WDR72: variants seen among roughly 807,000 people sequenced by gnomAD.
The protein encoded by WDR72 is WD repeat-containing protein 72.
WDR72 carries 120 observed loss-of-function variants against 124.2 expected under a neutral mutation model. The ratio of observed to expected loss-of-function variants is 0.97; its 90% CI spans 0.83 to 1.12. The LOEUF (loss-of-function observed/expected upper bound fraction) is 1.12, where lower values mean the gene tolerates loss of function less well. Among genes scored for constraint, WDR72 ranks in the 50% most tolerant of loss-of-function variants. The pLI, the probability that WDR72 is intolerant of heterozygous loss-of-function variation, is 0.00. For synonymous variants in WDR72, 452 were observed against 441.7 expected (o/e 1.02, Z -0.29); for missense variants, 1,387 against 1,278.8 (o/e 1.08, Z -1.29).
chr15:53,538,002 G>C (rs1388172266), intron 18 of WDR72, among the ~76,000 whole-genome samples: 1 of 152,020 alleles, frequency 6.6e-6, no homozygotes, highest in Non-Finnish European at 1.5e-5. Context: ...TTCTTATCAA[G>C]AGTGCTGAAT....
chr15:53,745,081 A>C (rs1267739396), intron 1 of WDR72, among the ~76,000 whole-genome samples: 3 of 151,918 alleles, frequency 2.0e-5, no homozygotes, highest in African/African-American at 7.2e-5. Context: ...GAGTCAGATA[A>C]AGTTTTGCCT....
intron 7 of WDR72, among the ~76,000 whole-genome samples, chr15:53,711,832 C>G (rs959759831): frequency 6.6e-6 from 1 of 152,142 alleles, no homozygotes; most frequent in African/African-American, 2.4e-5. Context: ...TCACGTAAAT[C>G]TTTTGCTAGA....
At chr15:53,746,048 T>C (rs1285033462) in intron 1 of WDR72, among the ~76,000 whole-genome samples, 3 of 152,200 alleles carry the variant, frequency 2.0e-5, no homozygotes, top group African/African-American at 7.2e-5. Flanking sequence ...AAACCTCTTA[T>C]TCATCCAGGC....
chr15:53,751,240 T>TA (rs34813862), intron 1 of WDR72, among the ~76,000 whole-genome samples: 20,742 of 143,050 alleles, frequency 0.14, 1,797 homozygotes, highest in Middle Eastern at 0.2. Flanking sequence ...GAGACTACTT[T>TA]AAAAAAAAAA....
chr15:53,616,093 T>C lies in WDR72; in HGVS notation c.2113A>G (p.Ser705Gly). 1 of 1,605,674 alleles carries C rather than the reference T, an allele frequency of 6.2e-7. No individual in the cohort carries two copies. The highest frequency in any genetic ancestry group is 8.5e-7 in the Non-Finnish European group (1 of 1,174,962). Residue 705 changes from serine to glycine, a missense_variant, in exon 15 of 20, where the codon AGT becomes GGT. Physicochemically the swap from Ser to Gly is moderately conservative, Grantham distance 56. Transcript: ENST00000360509. The stretch of plus-strand genomic sequence containing the variant: ...AGGACCTCACCACCATAGAATGAAC[T>C]GGAAGAGTCAACATCACTGAGTGGA... ...PTPLSDVDSS[S>G]SFYGGEVLRR...
intron 4 of WDR72, 96 bp downstream of exon 4, chr15:53,716,511 A>G (rs2017711901): frequency 1.1e-6 from 1 of 872,358 alleles, no homozygotes; most frequent in Non-Finnish European, 2.0e-6. Flanking sequence ...CAAGCAAAGA[A>G]TATTCTCCAA....
At chr15:53,610,250 CTGGTTCATAG>C (rs2013481147) in intron 16 of WDR72, among the ~76,000 whole-genome samples, 1 of 152,100 alleles carries the variant, frequency 6.6e-6, no homozygotes. Flanking sequence ...TCTATGTAAA[CTGGTTCATAG>C]AGTGTCCAGC....
intron 14 of WDR72, chr15:53,652,108 G>C (rs1456831892): frequency 6.6e-6 from 1 of 152,186 alleles, no homozygotes; most frequent in Admixed American, 6.5e-5. Context: ...ATATGACTAG[G>C]TAAAGAGAAC....
intron 13 of WDR72, among the ~76,000 whole-genome samples, chr15:53,685,170 G>T (rs1430632381): frequency 6.7e-6 from 1 of 148,722 alleles, no homozygotes; most frequent in East Asian, 2.0e-4. Context: ...TCCTCCAAAG[G>T]AACGCAGTTC....
intron 14 of WDR72, among the ~76,000 whole-genome samples, chr15:53,648,279 C>A (rs2015114507): frequency 1.3e-5 from 2 of 152,112 alleles, no homozygotes; most frequent in African/African-American, 4.8e-5. Context: ...GTTTTCACCT[C>A]TTTCTCTATA....
intron 13 of WDR72, among the ~76,000 whole-genome samples, chr15:53,693,798 T>G (rs1595855522): frequency 6.6e-6 from 1 of 152,340 alleles, no homozygotes; most frequent in Admixed American, 6.5e-5. Context: ...CCTTAATTTC[T>G]TATGAATAGG....
At chr15:53,536,585 T>C (rs968300759) in intron 18 of WDR72, among the ~76,000 whole-genome samples, 3 of 152,144 alleles carry the variant, frequency 2.0e-5, no homozygotes, top group African/African-American at 7.2e-5. Flanking sequence ...ATTTATCTAA[T>C]GAGTAAATGG....
At chr15:53,758,874 AT>A (rs1375738115) in intron 1 of WDR72, among the ~76,000 whole-genome samples, 1 of 151,124 alleles carries the variant, frequency 6.6e-6, no homozygotes, top group Non-Finnish European at 1.5e-5. Context: ...CAAAAATGCT[AT>A]AATAAGTGGG....
intron 1 of WDR72, among the ~76,000 whole-genome samples, chr15:53,756,266 C>T (rs946384584): frequency 2.8e-4 from 43 of 152,260 alleles, no homozygotes; most frequent in Admixed American, 9.8e-4. Context: ...CCCTTTGCTC[C>T]GCACTCATTC....
At chr15:53,710,325 T>C (rs926990582) in intron 9 of WDR72, among the ~76,000 whole-genome samples, 2 of 152,092 alleles carry the variant, frequency 1.3e-5, no homozygotes, top group African/African-American at 4.8e-5. Context: ...TGAAAAAATG[T>C]GTGGTGTGTG....
chr15:53,753,503 A>C (rs907890806), intron 1 of WDR72, among the ~76,000 whole-genome samples: 1 of 152,226 alleles, frequency 6.6e-6, no homozygotes, highest in Non-Finnish European at 1.5e-5. Context: ...AAAAAGTGGT[A>C]GAGGAAGTAC....
At chr15:53,739,668 A>G (rs1319406187) in intron 1 of WDR72, among the ~76,000 whole-genome samples, 1 of 152,042 alleles carries the variant, frequency 6.6e-6, no homozygotes, top group Non-Finnish European at 1.5e-5. Context: ...CCTAAGAACT[A>G]CTGCTCCTGA....
In WDR72 at chr15:53,696,154, T is replaced by C. The variant is rs536364742; in HGVS notation, c.1765+3596A>G. Among the ~76,000 whole-genome samples the C allele has an allele frequency of 1.4e-4, 22 of 152,342 alleles. No individual in the cohort carries two copies. In the South Asian group the frequency reaches 3.7e-3, roughly 26 times the overall value. ...TGATAAATACCTTTATGTCAATTTA[T>C]TCCTCCTTCACGTAGTTAGAGGAGG... On this transcript the variant is annotated intron_variant, in intron 13 of 19. Transcript: ENST00000360509.
At chr15:53,731,501 C>T (rs2018202363) in intron 2 of WDR72, among the ~76,000 whole-genome samples, 2 of 151,880 alleles carry the variant, frequency 1.3e-5, no homozygotes, top group Admixed American at 6.6e-5. Flanking sequence ...GCTCCACCCA[C>T]TACATGCCAC....
Sources: allele counts gnomAD v4.1 joint callset (sites outside exome capture counted in the v4.1 genomes callset), GRCh38; gene constraint gnomAD v4.1.1; transcripts MANE v1.5; gene names NCBI Gene and HGNC (gene_info 2026-07-23, HGNC 2026-07-21).